The following MAP4 variants were observed in gnomAD, a reference collection of about 807,000 sequenced individuals.
The protein encoded by MAP4 is microtubule-associated protein 4.
MAP4 carries 76 observed loss-of-function variants against 170.2 expected under a neutral mutation model. The ratio of observed to expected loss-of-function variants is 0.45; its 90% CI spans 0.37 to 0.54. The LOEUF (loss-of-function observed/expected upper bound fraction) is 0.54, where lower values mean the gene tolerates loss of function less well. Ranked by LOEUF, MAP4 falls within the 20% of genes least tolerant of loss-of-function variation. The pLI, the probability that MAP4 is intolerant of heterozygous loss-of-function variation, is 0.00. For missense variants in MAP4, 2,506 were observed against 2,748.0 expected (o/e 0.91, Z 1.97); for synonymous variants, 909 against 994.5 (o/e 0.91, Z 1.62).
At chr3:47,997,358 A>G (rs1258112283) in intron 2 of MAP4, among the ~76,000 whole-genome samples, 3 of 150,190 alleles carry the variant, frequency 2.0e-5, no homozygotes, top group Non-Finnish European at 3.0e-5. Context: ...TAAAATCTTA[A>G]AGGCAGACAC....
chr3:47,934,459 G>C (rs1367352138), intron 3 of MAP4, among the ~76,000 whole-genome samples: 1 of 152,024 alleles, frequency 6.6e-6, no homozygotes. Context: ...GTGCCATCAC[G>C]CTCGGCTAAT....
At chr3:48,037,673 G>C (rs1423260851) in intron 1 of MAP4, among the ~76,000 whole-genome samples, 1 of 152,082 alleles carries the variant, frequency 6.6e-6, no homozygotes, top group East Asian at 1.9e-4. Context: ...AGGATTACAG[G>C]TGTGAACCAC....
At chr3:48,037,891 G>A (rs2100119542) in intron 1 of MAP4, among the ~76,000 whole-genome samples, 1 of 151,744 alleles carries the variant, frequency 6.6e-6, no homozygotes, top group Non-Finnish European at 1.5e-5. Context: ...TTTCGGCCAG[G>A]CACAGTGGCT....
chr3:47,972,365 T>A (rs911369823), intron 3 of MAP4, among the ~76,000 whole-genome samples: 1 of 152,154 alleles, frequency 6.6e-6, no homozygotes, highest in Non-Finnish European at 1.5e-5. Flanking sequence ...AGACTTTGAA[T>A]GTGAATTTTA....
intron 1 of MAP4, among the ~76,000 whole-genome samples, chr3:48,077,846 T>C (rs2100144735): frequency 1.3e-5 from 2 of 152,200 alleles, no homozygotes; most frequent in African/African-American, 4.8e-5. Context: ...TGTAATATTA[T>C]TCAGCCATAA....
In MAP4 at chr3:47,915,998, A is replaced by C; in HGVS notation, c.1829T>G (p.Leu610Arg). 6.2e-7 allele frequency: 1 copy of C among 1,614,088 alleles called. No individual in the cohort carries two copies. Among genetic ancestry groups the C allele is most frequent in the Non-Finnish European group, 8.5e-7 (1 of 1,179,916 alleles). The part of the protein sequence containing the change: ...GISEDSHLES[L>R]QDVGQSAAPT... Reference sequence around the variant, plus strand: ...TGCAGCTGACTGCCCCACATCCTGCAGAGATTCTAAATGGGAATCCTCACT... The same window carrying C: ...TGCAGCTGACTGCCCCACATCCTGCCGAGATTCTAAATGGGAATCCTCACT... Residue 610 changes from leucine to arginine, a missense_variant, in exon 7 of 21, where the codon CTG becomes CGG. By Grantham distance (102) the Leu-to-Arg change is moderately radical. Coordinates refer to ENST00000683076, the MANE Select transcript of MAP4 (RefSeq NM_001385682.1).
Position 48,080,851 on chromosome 3 carries a change from G to A in MAP4, c.-20+7922C>T, listed in dbSNP as rs1002270898. On this transcript the variant is annotated intron_variant, in intron 1 of 18. Coordinates refer to the MAP4 transcript ENST00000360240. ...CAAAAAATTAGCCAGTTGGCCGGGC[G>A]CCCTGGCTCACGCCTGTAATCCGAG... 3.9e-5 allele frequency among the ~76,000 whole-genome samples: 6 copies of A among 152,288 alleles called. No homozygotes were observed. The East Asian group carries it at 9.6e-4, about 24-fold the overall frequency.
intron 1 of MAP4, among the ~76,000 whole-genome samples, chr3:48,076,776 G>T (rs906017148): frequency 4.6e-5 from 7 of 152,144 alleles, no homozygotes; most frequent in Non-Finnish European, 8.8e-5. Flanking sequence ...TCGTTTCTTA[G>T]ATGTGACACC....
chr3:47,921,108 A>G (rs866653949), intron 5 of MAP4, among the ~76,000 whole-genome samples: 4 of 152,128 alleles, frequency 2.6e-5, no homozygotes, highest in Non-Finnish European at 5.9e-5. Context: ...TGATCGCATC[A>G]CTGCACTCCA....
rs760716985 is a variant in MAP4 at position 47,857,419 on chromosome 3, G to A, written c.6583+12C>T. 6.2e-7 allele frequency: 1 copy of A among 1,611,754 alleles called. No individual in the cohort carries two copies. The highest frequency in any genetic ancestry group is 8.5e-7 in the Non-Finnish European group (1 of 1,177,862). On this transcript the variant is annotated intron_variant, in intron 18 of 20. Coordinates refer to ENST00000683076, the MANE Select transcript of MAP4 (RefSeq NM_001385682.1). ...CCCTGGAGACCCAGTGGGCAAGGGA[G>A]GCACCACTCACCAGGCTTGTGCTTG...
At chr3:47,997,804 A>G (rs555689885) in intron 2 of MAP4, among the ~76,000 whole-genome samples, 9 of 152,278 alleles carry the variant, frequency 5.9e-5, no homozygotes, top group East Asian at 3.9e-4. Flanking sequence ...CATTAAAAGC[A>G]TATCTCCATT....
rs776898517 is a variant in MAP4, at chr3:47,869,292, T to A, written c.6330A>T (p.Thr2110=). 25 of 1,614,168 alleles carry A rather than the reference T, an allele frequency of 1.5e-5. 2 individuals are homozygous for A. The South Asian group carries it at 2.6e-4, about 17-fold the overall frequency. ...CTGCATTAGATTCAGGCTTTCGGGTTGTAGCAGCTGCCTCTGTTTTTTTCT... is the reference window on the plus strand; with the variant it reads ...CTGCATTAGATTCAGGCTTTCGGGTAGTAGCAGCTGCCTCTGTTTTTTTCT... ...KVEKKTEAAA[T]TRKPESNAVT... Residue 2110 remains threonine (T), a synonymous_variant, in exon 16 of 21, where the codon ACA becomes ACT. Coordinates refer to ENST00000683076, the MANE Select transcript of MAP4 (RefSeq NM_001385682.1).
In MAP4 at chr3:47,911,494, A is replaced by C. The variant is rs1340576032; in HGVS notation, c.2927T>G (p.Leu976Trp). 1.3e-6 allele frequency: 2 copies of C among 1,535,860 alleles called. No individual in the cohort carries two copies. The highest frequency in any genetic ancestry group is 1.7e-6 in the Non-Finnish European group (2 of 1,146,880). The change falls in exon 9 of 21, where the codon TTG becomes TGG. Residue 976 changes from leucine to tryptophan, a missense_variant. Around this residue, in one of 3 missense-constraint regions of MAP4, gnomAD observed 2,008 missense variants for 2,206.0 expected, o/e 0.91. Transcript: ENST00000683076. This position sits in a 1 kb window ranked among gnomAD's most constrained non-coding sequence, Gnocchi z 4.0. ...ACATTCTAATGGATTACTTGCTATC[A>C]AAGTGGGTACCAAATTTGGTATTTC... The part of the protein sequence containing the change: ...AKEIPNLVPT[L>W]IASNPLECNL...
chr3:47,919,040 T>C lies in MAP4; in HGVS notation c.530-199A>G, dbSNP rs368400733. Among the ~76,000 whole-genome samples, 649 of 152,198 alleles carry C rather than the reference T, an allele frequency of 4.3e-3. 5 individuals carry two copies. Among genetic ancestry groups the C allele is most frequent in the African/African-American group, 0.014 (591 of 41,508 alleles). ...TCCGCTTCCCGGGTTCACGCCATTC[T>C]CCTGCCTCAGTCTCCCGAGTAGCTG... On this transcript the variant is annotated intron_variant, in intron 5 of 20. Coordinates refer to ENST00000683076, the MANE Select transcript of MAP4 (RefSeq NM_001385682.1).
intron 3 of MAP4, among the ~76,000 whole-genome samples, chr3:47,957,497 G>C (rs1200794844): frequency 6.6e-6 from 1 of 152,088 alleles, no homozygotes; most frequent in Non-Finnish European, 1.5e-5. Flanking sequence ...TTTTAAAATA[G>C]AGACAAGGTC....
At chr3:47,975,519 T>A in intron 3 of MAP4, 1 of 1,231,078 alleles carries the variant, frequency 8.1e-7, no homozygotes, top group Non-Finnish European at 1.2e-6. Context: ...AAGAAAAGGG[T>A]GGAAAAGCAC....
chr3:48,037,374 C>T (rs143348491), intron 1 of MAP4, among the ~76,000 whole-genome samples: 4 of 152,206 alleles, frequency 2.6e-5, no homozygotes, highest in African/African-American at 9.6e-5. Context: ...AATTAAAATG[C>T]TATTCTTCTT....
At chr3:48,050,831 G>A (rs576347565) in intron 1 of MAP4, among the ~76,000 whole-genome samples, 10 of 151,784 alleles carry the variant, frequency 6.6e-5, no homozygotes, top group Admixed American at 6.6e-4. Flanking sequence ...CTTGAACCCA[G>A]GAGGCAGAGG....
At position 47,875,708 on chromosome 3, in the gene MAP4, G is replaced by T. The variant is rs1440978778; in HGVS notation, c.5734C>A (p.Pro1912Thr). The change falls in exon 12 of 21, where the codon CCT becomes ACT. Residue 1912 changes from proline (P) to threonine (T), a missense_variant. Transcript: ENST00000683076. ...AVASARPSIL[P>T]SKDVKPKPIA... ...ACCTTTGGCTTCACGTCTTTTGAAG[G>T]TAAGATGGAAGGCCTGGCAGAGGCG... 6.2e-7 allele frequency: 1 copy of T among 1,613,198 alleles called. No individual in the cohort carries two copies. Among genetic ancestry groups the T allele is most frequent in the Non-Finnish European group, 8.5e-7 (1 of 1,179,972 alleles).
Sources: gnomAD v4.1 joint callset for allele counts (sites outside exome capture counted in the v4.1 genomes callset) on GRCh38, gnomAD v4.1.1 for gene constraint, gnomAD v4.1.1 regional missense constraint, Gnocchi (gnomAD v3.1) non-coding constraint, MANE v1.5 for transcripts, NCBI Gene and HGNC (gene_info 2026-07-23, HGNC 2026-07-21) for gene names.